Variants in PRKD3 observed in about 807,000 individuals in gnomAD.
PRKD3 encodes the protein serine/threonine-protein kinase D3.
A neutral mutation model predicts 99.2 loss-of-function variants in PRKD3; 47 were observed. That is an observed-to-expected ratio of 0.47 (90% CI 0.38 to 0.60). The LOEUF (loss-of-function observed/expected upper bound fraction) is 0.60. PRKD3 is among the 20% of genes least tolerant of loss of function. The probability of loss-of-function intolerance (pLI) is 0.00; values close to 1 mark genes in which losing one functional copy is unlikely to be tolerated. For synonymous variants in PRKD3, 392 were observed against 355.4 expected (o/e 1.10, Z -1.16); for missense variants, 1,019 against 1,088.4 (o/e 0.94, Z 0.90).
rs746007910 is a variant in PRKD3, at chr2:37,293,222, C to T, written c.338G>A (p.Arg113His). 18 of 1,602,002 alleles carry T rather than the reference C, an allele frequency of 1.1e-5. 1 individual carries two copies. The East Asian group carries it at 2.7e-4, about 24-fold the overall frequency. ...FGMYDKILLFRHDMNSENILQ... is the reference protein window; with the variant it reads ...FGMYDKILLFHHDMNSENILQ... ...AATGTTTTCTGAGTTCATGTCATGG[C>T]GAAAGAGAAGAATTTTGTCATACAT... Residue 113 changes from arginine to histidine, a missense_variant, in exon 3 of 19, where the codon CGC becomes CAC. Coordinates refer to ENST00000234179, the MANE Select transcript of PRKD3 (RefSeq NM_005813.6).
intron 14 of PRKD3, among the ~76,000 whole-genome samples, chr2:37,264,973 G>C (rs1572627067): frequency 6.6e-6 from 1 of 152,040 alleles, no homozygotes; most frequent in South Asian, 2.1e-4. Flanking sequence ...TTTCCTCCTT[G>C]CCACCGGAAA....
chr2:37,282,346 G>A, intron 7 of PRKD3, 196 bp downstream of exon 7: 1 of 538,934 alleles, frequency 1.9e-6, no homozygotes, highest in Non-Finnish European at 3.3e-6. Flanking sequence ...CAGGTGGCCA[G>A]AGGAAAGACG....
chr2:37,292,843 AG>A (rs1175530279), intron 3 of PRKD3: 2 of 201,556 alleles, frequency 9.9e-6, no homozygotes, highest in African/African-American at 4.7e-5. Context: ...AGTAGAGACG[AG>A]GTATGCTGCT....
intron 9 of PRKD3, among the ~76,000 whole-genome samples, chr2:37,276,716 AT>A (rs1459299627): frequency 1.3e-5 from 2 of 151,304 alleles, no homozygotes; most frequent in Non-Finnish European, 3.0e-5. Flanking sequence ...CTTCTGTTTA[AT>A]TTCTTTACAC....
chr2:37,293,154 G>C lies in PRKD3; in HGVS notation c.406C>G (p.Leu136Val). Residue 136 changes from leucine (L) to valine (V), a missense_variant, in exon 3 of 19, where the codon CTA becomes GTA. Leu to Val is a conservative substitution (Grantham distance 32). Coordinates refer to ENST00000234179, the MANE Select transcript of PRKD3 (RefSeq NM_005813.6). ...TTACCTGAAAGAACCACTTCCACTA[G>C]GTCTCCTTCATGTATTTCATCTGCT... Reference protein sequence around the residue: ...TSADEIHEGDLVEVVLSALAT... With the variant: ...TSADEIHEGDVVEVVLSALAT... The C allele has an allele frequency of 1.3e-6, 2 of 1,586,532 alleles. No homozygotes were observed. The highest frequency in any genetic ancestry group is 8.6e-7 in the Non-Finnish European group (1 of 1,158,390).
At chr2:37,291,521 AC>A (rs1670422492) in intron 3 of PRKD3, among the ~76,000 whole-genome samples, 1 of 152,134 alleles carries the variant, frequency 6.6e-6, no homozygotes, top group Non-Finnish European at 1.5e-5. Context: ...ACTTCCTCTC[AC>A]CTCAACCTGC....
chr2:37,297,856 T>A (rs538481778), intron 2 of PRKD3, among the ~76,000 whole-genome samples: 3 of 152,164 alleles, frequency 2.0e-5, no homozygotes, highest in African/African-American at 7.2e-5. Flanking sequence ...TGAGGTAGTG[T>A]TTGTCAGGTT....
intron 16 of PRKD3, among the ~76,000 whole-genome samples, chr2:37,258,744 A>G (rs922535640): frequency 2.0e-5 from 3 of 152,238 alleles, no homozygotes; most frequent in African/African-American, 7.2e-5. Flanking sequence ...CTACTTTAAA[A>G]GCTGAACGAT....
chr2:37,264,898 G>A (rs1182983972), intron 14 of PRKD3, among the ~76,000 whole-genome samples: 1 of 152,168 alleles, frequency 6.6e-6, no homozygotes, highest in African/African-American at 2.4e-5. Flanking sequence ...GTCACCAAGA[G>A]CTCAAGAGAT....
intron 2 of PRKD3, among the ~76,000 whole-genome samples, chr2:37,309,504 T>A (rs971907183): frequency 6.6e-6 from 1 of 152,156 alleles, no homozygotes; most frequent in Non-Finnish European, 1.5e-5. Context: ...TCAGTTGACC[T>A]CAAAATTATA....
At chr2:37,260,077 A>T in intron 15 of PRKD3, 146 bp downstream of exon 15, 1 of 701,556 alleles carries the variant, frequency 1.4e-6, no homozygotes, top group Non-Finnish European at 2.3e-6. Flanking sequence ...AGGCATGAGA[A>T]TCACTTGAAT....
At chr2:37,324,079 C>A (rs1282843789) in intron 1 of PRKD3, 7 of 618,064 alleles carry the variant, frequency 1.1e-5, no homozygotes, top group Non-Finnish European at 1.4e-5. Flanking sequence ...CTCAGTGTTT[C>A]AGCTTAAGGA....
intron 2 of PRKD3, among the ~76,000 whole-genome samples, chr2:37,305,714 G>T (rs1434566189): frequency 1.3e-5 from 2 of 152,170 alleles, no homozygotes; most frequent in African/African-American, 4.8e-5. Flanking sequence ...AAAGGCAAGA[G>T]CAAACCAATG....
At chr2:37,314,577 T>A (rs1173944342) in intron 2 of PRKD3, among the ~76,000 whole-genome samples, 1 of 152,110 alleles carries the variant, frequency 6.6e-6, no homozygotes, top group Non-Finnish European at 1.5e-5. Context: ...ATATACATAT[T>A]TCAAAAGAAC....
At chr2:37,317,846 T>G (rs1289106798) in intron 1 of PRKD3, 1 of 151,988 alleles carries the variant, frequency 6.6e-6, no homozygotes, top group Non-Finnish European at 1.5e-5. Flanking sequence ...GCTTCCAAGA[T>G]CAGACAAGAT....
At chr2:37,277,505 C>T (rs72863151) in intron 9 of PRKD3, among the ~76,000 whole-genome samples, 3,167 of 152,206 alleles carry the variant, frequency 0.021, 76 homozygotes, top group African/African-American at 0.058. Context: ...CTACATAAAA[C>T]CAAACATGCT....
At position 37,307,029 on chromosome 2, in the gene PRKD3, T is replaced by C. The variant is rs1003212620; in HGVS notation, c.288+9208A>G. ...CCAGGGGTTTTCAACCTCAGCATTA[T>C]TAACATTTTGGGCCAGATAATGCTT... On this transcript the variant is annotated intron_variant, in intron 2 of 18. Coordinates refer to ENST00000234179, the MANE Select transcript of PRKD3 (RefSeq NM_005813.6). 2.6e-5 allele frequency among the ~76,000 whole-genome samples: 4 copies of C among 152,220 alleles called. No homozygotes were observed. In the East Asian group the frequency reaches 7.7e-4, roughly 29 times the overall value.
At chr2:37,318,454 T>A (rs1671752200) in intron 1 of PRKD3, among the ~76,000 whole-genome samples, 2 of 152,128 alleles carry the variant, frequency 1.3e-5, no homozygotes, top group African/African-American at 4.8e-5. Context: ...TATTAATAGG[T>A]GGAGCGGGAA....
intron 2 of PRKD3, among the ~76,000 whole-genome samples, chr2:37,308,692 T>A (rs1249858510): frequency 6.6e-6 from 1 of 152,156 alleles, no homozygotes; most frequent in African/African-American, 2.4e-5. Flanking sequence ...TGACCTCAGG[T>A]GATCCACCCA....
Sources: allele counts gnomAD v4.1 joint callset (sites outside exome capture counted in the v4.1 genomes callset), GRCh38; gene constraint gnomAD v4.1.1; transcripts MANE v1.5; gene names NCBI Gene and HGNC (gene_info 2026-07-23, HGNC 2026-07-21).